The following GIT2 variants were observed in gnomAD, a reference collection of about 807,000 sequenced individuals.
GIT2 encodes the protein GIT ArfGAP 2, also known as ARF GTPase-activating protein GIT2.
GIT2 carries 32 observed loss-of-function variants against 100.3 expected under a neutral mutation model. The observed-to-expected ratio is 0.32, with a 90% CI of 0.24 to 0.43. GIT2 has a LOEUF of 0.43. Among genes scored for constraint, GIT2 ranks in the 20% least tolerant of loss-of-function variants. The probability of loss-of-function intolerance (pLI) is 1.00; values close to 1 mark genes in which losing one functional copy is unlikely to be tolerated. For missense variants in GIT2, 737 were observed against 975.1 expected (o/e 0.76, Z 3.25); for synonymous variants, 353 against 364.1 (o/e 0.97, Z 0.35).
At chr12:109,958,903 T>C (rs995649264) in intron 12 of GIT2, among the ~76,000 whole-genome samples, 10 of 152,220 alleles carry the variant, frequency 6.6e-5, no homozygotes, top group Non-Finnish European at 1.5e-4. Flanking sequence ...AACAGGGCAC[T>C]GGTGAAACAG....
intron 7 of GIT2, among the ~76,000 whole-genome samples, chr12:109,979,628 G>A (rs1384090576): frequency 6.6e-6 from 1 of 152,140 alleles, no homozygotes; most frequent in African/African-American, 2.4e-5. Flanking sequence ...TGTCATTGAA[G>A]TCCTATCAGA....
chr12:109,997,707 A>ATAG (rs1447564795), upstream of GIT2: 2 of 152,208 alleles, frequency 1.3e-5, no homozygotes, highest in African/African-American at 2.4e-5. Context: ...CACCTGCTGG[A>ATAG]TAGTAACCCC....
Position 109,951,283 on chromosome 12 carries a change from T to C in GIT2, c.1276A>G (p.Thr426Ala), listed in dbSNP as rs1877770768. ...LDSDLSDGPV[T>A]VQEFMEVKNA... is the part of the protein sequence containing the mutation. ...TTGACCTCCATAAATTCCTGTACAG[T>C]GACTGGTCCATCTGATAAATCTGAA... Residue 426 changes from threonine (T) to alanine (A), a missense_variant, in exon 14 of 20, where the codon ACT becomes GCT. This residue lies in a region of GIT2 where 451 missense variants were observed against 543.7 expected (regional missense o/e 0.83). Transcript: ENST00000355312. The C allele has an allele frequency of 6.2e-7, 1 of 1,610,650 alleles. No individual in the cohort carries two copies. Among genetic ancestry groups the C allele is most frequent in the Admixed American group, 1.7e-5 (1 of 60,000 alleles).
chr12:109,995,011 T>C (rs1282308212), intron 1 of GIT2, among the ~76,000 whole-genome samples: 1 of 152,194 alleles, frequency 6.6e-6, no homozygotes, highest in African/African-American at 2.4e-5. Context: ...CTATTTACAA[T>C]TGGTCTCCAC....
At chr12:109,975,798 G>T (rs1884898924) in intron 7 of GIT2, among the ~76,000 whole-genome samples, 2 of 134,426 alleles carry the variant, frequency 1.5e-5, no homozygotes. Context: ...TTTAGATGGA[G>T]TCTCACTCTA....
chr12:109,994,437 T>C (rs1888970806), intron 1 of GIT2, among the ~76,000 whole-genome samples: 1 of 152,152 alleles, frequency 6.6e-6, no homozygotes, highest in African/African-American at 2.4e-5. Flanking sequence ...TTCAACAGAA[T>C]CTCAAAGGGG....
At chr12:109,957,706 C>T (rs957093456) in intron 12 of GIT2, among the ~76,000 whole-genome samples, 3 of 151,892 alleles carry the variant, frequency 2.0e-5, no homozygotes, top group African/African-American at 4.8e-5. Context: ...CAGGATTTCA[C>T]CGTGTTAGCC....
chr12:109,932,239 T>G lies in GIT2; in HGVS notation c.*739A>C, dbSNP rs1871771230. 1 of 152,222 alleles carries G rather than the reference T, an allele frequency of 6.6e-6. No homozygotes were observed. Among genetic ancestry groups the G allele is most frequent in the South Asian group, 2.1e-4 (1 of 4,834 alleles). The allele number at this position is 152,222 out of a possible 1,614,324, so 9.4% of individuals were successfully genotyped here. ...GAGCACCTGACAATGGGTGGTGATG[T>G]GCGTGGAGCTCCTACCCTGAACATG... On this transcript the variant is annotated 3_prime_UTR_variant, in exon 20 of 20. Coordinates refer to ENST00000355312, the MANE Select transcript of GIT2 (RefSeq NM_057169.5).
chr12:109,969,750 C>T (rs1319720525), intron 7 of GIT2, among the ~76,000 whole-genome samples: 1 of 151,290 alleles, frequency 6.6e-6, no homozygotes, highest in Non-Finnish European at 1.5e-5. Flanking sequence ...CAAAGATTTT[C>T]TCTTATGTTT....
chr12:109,964,172 AC>A (rs1427186833), intron 9 of GIT2, among the ~76,000 whole-genome samples: 1 of 152,184 alleles, frequency 6.6e-6, no homozygotes, highest in African/African-American at 2.4e-5. Flanking sequence ...AGGAAATCAC[AC>A]AATATTTAGT....
At position 109,933,503 on chromosome 12, in the gene GIT2, T is replaced by A. The variant is rs1416967895; in HGVS notation, c.2068-313A>T. On this transcript the variant is annotated intron_variant, in intron 19 of 19. Transcript: ENST00000355312. The surrounding 1 kb of genome is among the most constrained non-coding windows in gnomAD (Gnocchi z 4.5). ...CCAGAAAATCCTATAAATTTTAAAA[T>A]GTGCCTTTTAGCACGACTTGTATAT... 1.0e-5 allele frequency: 3 copies of A among 287,922 alleles called. No homozygotes were observed. The highest frequency in any genetic ancestry group is 6.4e-5 in the African/African-American group (3 of 46,530). 17.8% of individuals were successfully genotyped at this position (287,922 alleles called of 1,614,324 possible).
chr12:109,961,805 C>T, intron 9 of GIT2, 120 bp from the exon 10 acceptor site: 1 of 691,106 alleles, frequency 1.4e-6, no homozygotes, highest in East Asian at 2.6e-5. Flanking sequence ...GTGCTTGGTA[C>T]ATACCCACTG....
At chr12:109,966,852 T>C (rs987107048) in intron 8 of GIT2, among the ~76,000 whole-genome samples, 6 of 152,150 alleles carry the variant, frequency 3.9e-5, no homozygotes, top group Non-Finnish European at 8.8e-5. Context: ...GTCAGAAAAA[T>C]TATGGCCTTC....
intron 18 of GIT2, among the ~76,000 whole-genome samples, chr12:109,935,312 T>C (rs1872676292): frequency 6.6e-6 from 1 of 152,156 alleles, no homozygotes; most frequent in East Asian, 1.9e-4. Context: ...AAAAAAGCAA[T>C]GTCCACAGCC....
Position 109,983,436 on chromosome 12 carries a change from G to T in GIT2, c.560C>A (p.Ala187Glu). ...TGTGCCTGGGTCTGCTCCATATACT[G>T]CCAATAATTCAGCCTGTAAAATCTG... ...AGQILQAELL[A>E]VYGADPGTQD... The change falls in exon 6 of 20, where the codon GCA becomes GAA. Residue 187 changes from alanine to glutamate, a missense_variant. By Grantham distance (107) the Ala-to-Glu change is moderately radical. This residue lies in a region of GIT2 where 266 missense variants were observed against 376.2 expected (regional missense o/e 0.71). Transcript: ENST00000355312. 1 of 1,612,706 alleles carries T rather than the reference G, an allele frequency of 6.2e-7. No homozygotes were observed.
intron 7 of GIT2, among the ~76,000 whole-genome samples, chr12:109,972,550 C>T (rs192352084): frequency 2.0e-5 from 3 of 151,890 alleles, no homozygotes; most frequent in East Asian, 3.9e-4. Flanking sequence ...CTCACTGCAA[C>T]CTCTGCTTCC....
chr12:109,971,171 G>C (rs1883774476), intron 7 of GIT2, among the ~76,000 whole-genome samples: 1 of 152,178 alleles, frequency 6.6e-6, no homozygotes, highest in Non-Finnish European at 1.5e-5. Context: ...AACTTGTGGA[G>C]AATTGACATG....
intron 1 of GIT2, among the ~76,000 whole-genome samples, chr12:109,994,443 AG>A (rs1421057886): frequency 2.6e-5 from 4 of 152,202 alleles, no homozygotes; most frequent in African/African-American, 9.7e-5. Flanking sequence ...AGAATCTCAA[AG>A]GGGTCCCTAA....
chr12:109,948,460 T>C lies in GIT2; in HGVS notation c.1393-956A>G. On this transcript the variant is annotated intron_variant, in intron 14 of 19. Coordinates refer to ENST00000355312, the MANE Select transcript of GIT2 (RefSeq NM_057169.5). This position sits in a 1 kb window ranked among gnomAD's most constrained non-coding sequence, Gnocchi z 4.3. ...TCACATGCAGGCTGCTCCATGGTGC[T>C]GGATGGATTAGAGTTAAGGGGTCAG... 2 of 1,094,070 alleles carry C rather than the reference T, an allele frequency of 1.8e-6. No homozygotes were observed. The highest frequency in any genetic ancestry group is 2.2e-6 in the Non-Finnish European group (2 of 898,758). 67.8% of individuals were successfully genotyped at this position (1,094,070 alleles called of 1,614,324 possible). A position where few individuals can be genotyped will look rare whatever the true frequency, so the allele number is the denominator to read the frequency against.
Sources: gnomAD v4.1 joint callset for allele counts (sites outside exome capture counted in the v4.1 genomes callset) on GRCh38, gnomAD v4.1.1 for gene constraint, gnomAD v4.1.1 regional missense constraint, Gnocchi (gnomAD v3.1) non-coding constraint, MANE v1.5 for transcripts, NCBI Gene and HGNC (gene_info 2026-07-23, HGNC 2026-07-21) for gene names.